WLS: variants seen among roughly 807,000 people sequenced by gnomAD.
WLS encodes protein wntless homolog.
Under a neutral mutation model 62.8 loss-of-function variants are expected in WLS, and 23 were observed. That is an observed-to-expected ratio of 0.37 (90% CI 0.26 to 0.52). The LOEUF is 0.52. Ranked by LOEUF, WLS falls within the 20% of genes least tolerant of loss-of-function variation. WLS has a pLI of 0.92. For missense variants in WLS, 615 were observed against 697.3 expected, an observed-to-expected ratio of 0.88 and a Z score of 1.33; for synonymous variants, 246 against 244.1, an observed-to-expected ratio of 1.01 and a Z score of -0.07.
chr1:68,202,329 C>A (rs997610532), intron 1 of WLS: 15 of 152,204 alleles, frequency 9.9e-5, no homozygotes, highest in Non-Finnish European at 1.6e-4. Context: ...CTCATAAAAT[C>A]TGCCAATCAT....
At chr1:68,151,968 G>A (rs2100473002) in intron 5 of WLS, among the ~76,000 whole-genome samples, 1 of 152,290 alleles carries the variant, frequency 6.6e-6, no homozygotes, top group East Asian at 1.9e-4. Flanking sequence ...TGATCCAGGT[G>A]AGAAGCGATG....
Position 68,161,886 on chromosome 1 carries a change from G to A in WLS, c.380-2639C>T, listed in dbSNP as rs931132243. ...TGCCTCCAGGGATGATCCCTTCCAC[G>A]GCTGCAGGAAGTCCTCCTGGAGCCA... On this transcript the variant is annotated intron_variant, in intron 2 of 11. Transcript: ENST00000262348. 6 of 1,608,662 alleles carry A rather than the reference G, an allele frequency of 3.7e-6. No individual in the cohort carries two copies. The African/African-American group carries it at 4.0e-5, about 11-fold the overall frequency.
chr1:68,155,804 A>G (rs1646889525), intron 3 of WLS, among the ~76,000 whole-genome samples: 1 of 152,176 alleles, frequency 6.6e-6, no homozygotes, highest in Non-Finnish European at 1.5e-5. Flanking sequence ...CCAGGAAAAA[A>G]AAAGACACAA....
At chr1:68,100,703 A>T (rs560705794) in intron 11 of WLS, 1 of 152,190 alleles carries the variant, frequency 6.6e-6, no homozygotes, top group Non-Finnish European at 1.5e-5. Context: ...AACAGAGATC[A>T]TAAGGCTGTC....
Position 68,155,088 on chromosome 1 carries a change from C to T in WLS, c.666+11G>A, listed in dbSNP as rs1646877720. ...CCAATACACATGTCAAGATCAATTACATTCACTTACCACCAACCGGATATC... is the reference window on the plus strand; with the variant it reads ...CCAATACACATGTCAAGATCAATTATATTCACTTACCACCAACCGGATATC... On this transcript the variant is annotated intron_variant, in intron 4 of 11. Transcript: ENST00000262348. 6.2e-7 allele frequency: 1 copy of T among 1,611,928 alleles called. No individual in the cohort carries two copies. The highest frequency in any genetic ancestry group is 1.7e-5 in the Admixed American group (1 of 59,854).
intron 11 of WLS, among the ~76,000 whole-genome samples, chr1:68,106,932 C>T (rs151241192): frequency 2.6e-4 from 40 of 152,260 alleles, no homozygotes; most frequent in Admixed American, 2.1e-3. Flanking sequence ...AAATGTATAC[C>T]TTACTGAAAC....
chr1:68,175,749 A>G (rs571325291), intron 2 of WLS, among the ~76,000 whole-genome samples: 11 of 152,354 alleles, frequency 7.2e-5, no homozygotes, highest in African/African-American at 2.6e-4. Context: ...ACAATTAACA[A>G]ATACAAAAAT....
chr1:68,141,885 A>G (rs1414530446), intron 10 of WLS: 1 of 152,156 alleles, frequency 6.6e-6, no homozygotes, highest in Non-Finnish European at 1.5e-5. Context: ...TCTTAGAAAA[A>G]AAACCCAGCA....
intron 2 of WLS, among the ~76,000 whole-genome samples, chr1:68,193,009 T>G (rs1188440991): frequency 6.7e-6 from 1 of 150,152 alleles, no homozygotes; most frequent in East Asian, 2.0e-4. Flanking sequence ...CGTGGGAGGC[T>G]GAGGCAGGAG....
At chr1:68,190,415 A>G (rs1202777069) in intron 2 of WLS, among the ~76,000 whole-genome samples, 1 of 152,208 alleles carries the variant, frequency 6.6e-6, no homozygotes, top group African/African-American at 2.4e-5. Context: ...GGTTGAACTT[A>G]CTAGTTCACT....
intron 2 of WLS, among the ~76,000 whole-genome samples, chr1:68,192,521 G>A (rs139882176): frequency 0.016 from 2,364 of 151,536 alleles, 56 homozygotes; most frequent in African/African-American, 0.055. Context: ...AGGCTGCAGT[G>A]AGCTGTGATG....
chr1:68,110,688 T>TCTCTCTCTCTCTCTCTCC (rs1390457595), intron 11 of WLS, among the ~76,000 whole-genome samples: 3 of 149,974 alleles, frequency 2.0e-5, no homozygotes, highest in African/African-American at 7.4e-5. Context: ...TCTCTCTCTC[T>TCTCTCTCTCTCTCTCTCC]CTCCATATAT....
At chr1:68,119,071 A>G (rs1646333104) in intron 11 of WLS, among the ~76,000 whole-genome samples, 1 of 152,118 alleles carries the variant, frequency 6.6e-6, no homozygotes, top group South Asian at 2.1e-4. Flanking sequence ...CAAACTTTGC[A>G]AACCACTGAA....
intron 2 of WLS, among the ~76,000 whole-genome samples, chr1:68,164,867 C>T (rs867354043): frequency 6.6e-6 from 1 of 152,258 alleles, no homozygotes; most frequent in Middle Eastern, 3.4e-3. Context: ...AGACCCAGGG[C>T]TGGAGGTGGA....
intron 10 of WLS, among the ~76,000 whole-genome samples, chr1:68,140,786 C>G (rs1399685987): frequency 6.6e-6 from 1 of 151,860 alleles, no homozygotes; most frequent in African/African-American, 2.4e-5. Context: ...TTGTTTTTCC[C>G]TCTCCTCTCC....
chr1:68,141,064 C>T (rs528154178), intron 10 of WLS, among the ~76,000 whole-genome samples: 2 of 150,516 alleles, frequency 1.3e-5, no homozygotes, highest in Admixed American at 6.7e-5. Context: ...CCTGATTTTA[C>T]ATTTGAACAA....
At chr1:68,147,235 A>T (rs558705293) in intron 8 of WLS, among the ~76,000 whole-genome samples, 27 of 152,334 alleles carry the variant, frequency 1.8e-4, no homozygotes, top group South Asian at 1.2e-3. Context: ...CTACAAAATT[A>T]AAAAAGTTGA....
chr1:68,232,365 C>T lies in WLS; in HGVS notation c.-66G>A. 1.3e-6 allele frequency: 2 copies of T among 1,565,846 alleles called. No homozygotes were observed. The highest frequency in any genetic ancestry group is 1.7e-6 in the Non-Finnish European group (2 of 1,154,618). On this transcript the variant is annotated 5_prime_UTR_variant, in exon 1 of 12. Transcript: ENST00000262348. ...TTTTAGGGTGAGCTTTTTGCTCCCT[C>T]CTCTCACACACTCCCTCCTTCCTCG...
downstream of WLS, among the ~76,000 whole-genome samples, chr1:68,125,159 TGTC>T (rs765827629): frequency 8.5e-5 from 13 of 152,206 alleles, no homozygotes; most frequent in Non-Finnish European, 1.6e-4. Context: ...CCACCTTTGT[TGTC>T]ACGCATATGA....
Sources: allele counts gnomAD v4.1 joint callset (sites outside exome capture counted in the v4.1 genomes callset), GRCh38; gene constraint gnomAD v4.1.1; transcripts MANE v1.5; gene names NCBI Gene and HGNC (gene_info 2026-07-23, HGNC 2026-07-21).